The following CADM1 variants were observed in gnomAD, a reference collection of about 807,000 sequenced individuals.
CADM1 encodes TSLC-1.
A neutral mutation model predicts 53.1 loss-of-function variants in CADM1; 15 were observed. The observed-to-expected ratio is 0.28, with a 90% CI of 0.19 to 0.44. The LOEUF (loss-of-function observed/expected upper bound fraction) is 0.44, where lower values mean the gene tolerates loss of function less well. Among genes scored for constraint, CADM1 ranks in the 20% least tolerant of loss-of-function variants. The pLI, the probability that CADM1 is intolerant of heterozygous loss-of-function variation, is 1.00. For missense variants in CADM1, 434 were observed against 611.3 expected (o/e 0.71, Z 3.06); for synonymous variants, 281 against 243.0 (o/e 1.16, Z -1.45).
intron 1 of CADM1, among the ~76,000 whole-genome samples, chr11:115,244,040 A>C (rs1461067580): frequency 6.6e-6 from 1 of 152,228 alleles, no homozygotes; most frequent in Non-Finnish European, 1.5e-5. Flanking sequence ...TATTTGTATC[A>C]GCAACTATAT....
intron 1 of CADM1, among the ~76,000 whole-genome samples, chr11:115,346,233 C>T (rs1236282251): frequency 6.6e-6 from 1 of 152,196 alleles, no homozygotes; most frequent in Non-Finnish European, 1.5e-5. Flanking sequence ...CCACCCACTG[C>T]ATGGCTTGGC....
intron 10 of CADM1, among the ~76,000 whole-genome samples, chr11:115,185,740 A>T (rs1648982331): frequency 6.6e-6 from 1 of 152,340 alleles, no homozygotes; most frequent in East Asian, 1.9e-4. Context: ...ATTTTAAGCA[A>T]CAGGAAGGCA....
At position 115,254,549 on chromosome 11, in the gene CADM1, AACACACACAC is replaced by A. The variant is rs58261564; in HGVS notation, c.125-14139_125-14130del. On this transcript the variant is annotated intron_variant, in intron 1 of 11. Transcript: ENST00000331581. ...AAGTTCCTAATGCGCAAGGGAGACA[AACACACACAC>A]ACACACACACACACACACACACACA... 8.2e-3 allele frequency among the ~76,000 whole-genome samples: 1,105 copies of A among 134,982 alleles called. 12 individuals are homozygous for A. The highest frequency in any genetic ancestry group is 0.021 in the African/African-American group (769 of 36,500). The allele number at this position is 134,982 out of a possible 152,430, so 88.6% of individuals were successfully genotyped here.
At chr11:115,321,517 T>C (rs1295717861) in intron 1 of CADM1, among the ~76,000 whole-genome samples, 1 of 152,218 alleles carries the variant, frequency 6.6e-6, no homozygotes, top group East Asian at 1.9e-4. Context: ...TTTTTAATGT[T>C]TGACCCAGAT....
chr11:115,340,110 G>A (rs1945387219), intron 1 of CADM1: 1 of 152,150 alleles, frequency 6.6e-6, no homozygotes. Flanking sequence ...GTTCCCGTGT[G>A]AATCCTGAAC....
intron 1 of CADM1, among the ~76,000 whole-genome samples, chr11:115,329,440 AC>A (rs969232929): frequency 6.6e-6 from 1 of 151,636 alleles, no homozygotes; most frequent in Non-Finnish European, 1.5e-5. Context: ...GAGTTCCCTG[AC>A]CCCCCTCACA....
intron 1 of CADM1, among the ~76,000 whole-genome samples, chr11:115,467,059 T>G (rs1021937111): frequency 2.6e-5 from 4 of 152,206 alleles, no homozygotes; most frequent in Non-Finnish European, 4.4e-5. Context: ...TTCATTTTAA[T>G]GCATTAGTTA....
At chr11:115,351,733 A>C (rs1312806871) in intron 1 of CADM1, among the ~76,000 whole-genome samples, 1 of 152,220 alleles carries the variant, frequency 6.6e-6, no homozygotes, top group African/African-American at 2.4e-5. Flanking sequence ...AAATAGGCAC[A>C]GTAGTAATAT....
chr11:115,460,614 T>C (rs1212286338), intron 1 of CADM1, among the ~76,000 whole-genome samples: 1 of 152,184 alleles, frequency 6.6e-6, no homozygotes, highest in Non-Finnish European at 1.5e-5. Context: ...GCCCTAATAA[T>C]AACAAAAGTT....
chr11:115,464,669 T>A (rs1229078940), intron 1 of CADM1, among the ~76,000 whole-genome samples: 1 of 152,134 alleles, frequency 6.6e-6, no homozygotes, highest in African/African-American at 2.4e-5. Flanking sequence ...CACTCTTCCC[T>A]CTTCAAAACA....
At chr11:115,499,688 A>G (rs17524278) in intron 1 of CADM1, among the ~76,000 whole-genome samples, 6,380 of 152,350 alleles carry the variant, frequency 0.042, 179 homozygotes, top group Middle Eastern at 0.092. Context: ...CCTTAGTTCA[A>G]CTGCAGAGTA....
chr11:115,374,495 G>A (rs1946389298), intron 1 of CADM1, among the ~76,000 whole-genome samples: 1 of 152,102 alleles, frequency 6.6e-6, no homozygotes, highest in Non-Finnish European at 1.5e-5. Flanking sequence ...TCTTTATGAA[G>A]GAATGGCAGA....
At chr11:115,201,179 T>C (rs886938892) in intron 8 of CADM1, among the ~76,000 whole-genome samples, 1 of 152,002 alleles carries the variant, frequency 6.6e-6, no homozygotes, top group African/African-American at 2.4e-5. Context: ...CAGCTGGAAA[T>C]GGCAAAACCC....
intron 1 of CADM1, among the ~76,000 whole-genome samples, chr11:115,494,202 G>A (rs1949560993): frequency 1.3e-5 from 2 of 152,076 alleles, no homozygotes; most frequent in South Asian, 4.1e-4. Flanking sequence ...GTAAATACAA[G>A]TATTCATTGT....
chr11:115,501,256 T>C (rs560199201), intron 1 of CADM1, among the ~76,000 whole-genome samples: 55 of 152,206 alleles, frequency 3.6e-4, no homozygotes, highest in South Asian at 6.2e-4. Flanking sequence ...CACAGACAAG[T>C]GCAAGTCCCT....
intron 7 of CADM1, among the ~76,000 whole-genome samples, chr11:115,211,426 G>A (rs1940952116): frequency 6.6e-6 from 1 of 150,730 alleles, no homozygotes; most frequent in Non-Finnish European, 1.5e-5. Context: ...CTACTGAAAA[G>A]GAACATTTGT....
At chr11:115,234,759 G>A (rs561524034) in intron 3 of CADM1, among the ~76,000 whole-genome samples, 29 of 152,024 alleles carry the variant, frequency 1.9e-4, no homozygotes, top group Non-Finnish European at 3.5e-4. Context: ...CAGGTGAGGT[G>A]GCGGGCACTT....
chr11:115,363,059 G>T (rs1049456160), intron 1 of CADM1, among the ~76,000 whole-genome samples: 1 of 152,090 alleles, frequency 6.6e-6, no homozygotes, highest in African/African-American at 2.4e-5. Context: ...AAAAATCACA[G>T]ATTCACCCAA....
chr11:115,175,485 A>G lies in CADM1; in HGVS notation c.*989T>C, dbSNP rs186834100. The G allele has an allele frequency of 1.9e-4, 191 of 985,520 alleles. No homozygotes were observed. The African/African-American group carries it at 3.1e-3, about 16-fold the overall frequency. 61.0% of individuals were successfully genotyped at this position (985,520 alleles called of 1,614,324 possible). A position where few individuals can be genotyped will look rare whatever the true frequency, so the allele number is the denominator to read the frequency against. ...AAGGCCGATTGGGAAAGGTGGATGG[A>G]ATCATTTGGAACAGAAACAACCAGA... On this transcript the variant is annotated 3_prime_UTR_variant, in exon 12 of 12. Transcript: ENST00000331581.
Sources: allele counts gnomAD v4.1 joint callset (sites outside exome capture counted in the v4.1 genomes callset), GRCh38; gene constraint gnomAD v4.1.1; transcripts MANE v1.5; gene names NCBI Gene and HGNC (gene_info 2026-07-23, HGNC 2026-07-21).